Variants in ABHD17B observed in about 807,000 individuals in gnomAD.
ABHD17B encodes the protein alpha/beta hydrolase domain-containing protein 17B.
In ABHD17B, 9 loss-of-function variants were observed where a neutral mutation model predicts 26.2. That is an observed-to-expected ratio of 0.34 (90% CI 0.21 to 0.60). ABHD17B has a LOEUF of 0.60. ABHD17B is among the 20% of genes least tolerant of loss of function. The probability of loss-of-function intolerance (pLI) is 0.80; values close to 1 mark genes in which losing one functional copy is unlikely to be tolerated. For synonymous variants in ABHD17B, 127 were observed against 122.3 expected (o/e 1.04, Z -0.25); for missense variants, 224 against 352.1 (o/e 0.64, Z 2.91).
intron 1 of ABHD17B, among the ~76,000 whole-genome samples, chr9:71,893,949 G>C (rs1020651672): frequency 6.6e-6 from 1 of 151,984 alleles, no homozygotes; most frequent in African/African-American, 2.4e-5. Flanking sequence ...AATTAGCTGG[G>C]TGTGGTGGCG....
chr9:71,897,315 G>A (rs954440888), intron 1 of ABHD17B, among the ~76,000 whole-genome samples: 3 of 13,618 alleles, frequency 2.2e-4, no homozygotes, highest in African/African-American at 2.4e-4. Context: ...AGGATCACTT[G>A]AGCCTGAGTT....
rs199979404 is a variant in ABHD17B at position 71,885,698 on chromosome 9, T to TA, written c.-3-10616dup. On this transcript the variant is annotated intron_variant, in intron 1 of 3. Transcript: ENST00000333421. ...TCTCAGCAAAACAGGAAGACTAATG[T>TA]AAAAAAAAGTCCCTAAATAGAATGA... Among the ~76,000 whole-genome samples, 765 of 151,950 alleles carry TA rather than the reference T, an allele frequency of 5.0e-3. 3 individuals are homozygous for TA. Among genetic ancestry groups the TA allele is most frequent in the Non-Finnish European group, 8.5e-3 (576 of 67,946 alleles).
At position 71,911,189 on chromosome 9, in the gene ABHD17B, T is replaced by C. The variant is rs898925979; in HGVS notation, c.-559A>G. 6.6e-6 allele frequency among the ~76,000 whole-genome samples: 1 copy of C among 151,986 alleles called. No homozygotes were observed. The highest frequency in any genetic ancestry group is 2.4e-5 in the African/African-American group (1 of 41,396). ...CCCCACTGAGCCAGGAGTTGGCCACTGACTGGAGGAAGGTGCCAAAGCTGA... is the reference window on the plus strand; with the variant it reads ...CCCCACTGAGCCAGGAGTTGGCCACCGACTGGAGGAAGGTGCCAAAGCTGA... On this transcript the variant is annotated 5_prime_UTR_variant, in exon 1 of 4. Transcript: ENST00000333421.
chr9:71,865,153 C>T lies in ABHD17B; in HGVS notation c.*1634G>A. The T allele has an allele frequency of 1.0e-6, 1 of 985,322 alleles. No homozygotes were observed. The highest frequency in any genetic ancestry group is 1.2e-6 in the Non-Finnish European group (1 of 829,862). 61.0% of individuals were successfully genotyped at this position (985,322 alleles called of 1,614,324 possible). ...TGGAAAAAGGCAAATAAGCACAGGT[C>T]AGTGGTATATTTGTTGTTTTACTGT... On this transcript the variant is annotated 3_prime_UTR_variant, in exon 4 of 4. Transcript: ENST00000333421.
intron 1 of ABHD17B, among the ~76,000 whole-genome samples, chr9:71,909,418 A>G (rs1478922992): frequency 6.6e-6 from 1 of 152,254 alleles, no homozygotes; most frequent in Non-Finnish European, 1.5e-5. Flanking sequence ...ACTAGCAATC[A>G]TGACAATTTT....
At chr9:71,868,791 G>A (rs1240166810) in intron 3 of ABHD17B, among the ~76,000 whole-genome samples, 1 of 152,050 alleles carries the variant, frequency 6.6e-6, no homozygotes, top group African/African-American at 2.4e-5. Flanking sequence ...CAGGTTCAAG[G>A]GATTCTCATG....
chr9:71,906,009 A>G (rs1827271399), intron 1 of ABHD17B, among the ~76,000 whole-genome samples: 1 of 152,170 alleles, frequency 6.6e-6, no homozygotes, highest in Non-Finnish European at 1.5e-5. Context: ...TGATCATGCT[A>G]CTACACTCCA....
At chr9:71,884,157 T>C (rs780880399) in intron 1 of ABHD17B, among the ~76,000 whole-genome samples, 15 of 152,046 alleles carry the variant, frequency 9.9e-5, no homozygotes, top group Non-Finnish European at 1.5e-4. Flanking sequence ...CAAAAAATAA[T>C]ACATCAAAAC....
intron 1 of ABHD17B, among the ~76,000 whole-genome samples, chr9:71,907,557 G>A (rs889676232): frequency 6.6e-6 from 1 of 152,068 alleles, no homozygotes; most frequent in Admixed American, 6.5e-5. Flanking sequence ...TGCTGCCCAC[G>A]CTGGAGTGCA....
chr9:71,874,556 CA>C, intron 2 of ABHD17B, 57 bp downstream of exon 2: 1 of 1,397,716 alleles, frequency 7.2e-7, no homozygotes, highest in African/African-American at 1.5e-5. Context: ...TATTCTTACA[CA>C]AGATATTTTT....
chr9:71,875,762 C>T (rs891898399), intron 1 of ABHD17B, among the ~76,000 whole-genome samples: 7 of 152,192 alleles, frequency 4.6e-5, no homozygotes, highest in Admixed American at 2.0e-4. Context: ...GTTCTTAGAA[C>T]CTCATGGAGA....
chr9:71,885,732 ATCT>A (rs1826588686), intron 1 of ABHD17B, among the ~76,000 whole-genome samples: 1 of 152,198 alleles, frequency 6.6e-6, no homozygotes, highest in South Asian at 2.1e-4. Context: ...GACCTACTGT[ATCT>A]CCTTCCTCTC....
intron 2 of ABHD17B, 39 bp downstream of exon 2, chr9:71,874,572 AACC>A: frequency 6.8e-7 from 1 of 1,478,452 alleles, no homozygotes; most frequent in Non-Finnish European, 9.1e-7. Flanking sequence ...ATTTTTAGCT[AACC>A]ACCACGAGTA....
At chr9:71,867,474 TA>T (rs1825989664) in intron 3 of ABHD17B, among the ~76,000 whole-genome samples, 1 of 152,216 alleles carries the variant, frequency 6.6e-6, no homozygotes, top group Non-Finnish European at 1.5e-5. Flanking sequence ...GAGAATGTAC[TA>T]AAATATAATA....
downstream of ABHD17B, among the ~76,000 whole-genome samples, chr9:71,864,045 G>A (rs937721171): frequency 5.9e-5 from 9 of 151,978 alleles, no homozygotes; most frequent in African/African-American, 2.2e-4. Flanking sequence ...TGACTTACAC[G>A]TTATTTCCAG....
Position 71,865,818 on chromosome 9 carries a change from G to C in ABHD17B, c.*969C>G. ...AGAGGTTGCAGTGAATCAAGATCGC[G>C]CCACTGCACTCCAGCCTCAGTGACA... On this transcript the variant is annotated 3_prime_UTR_variant, in exon 4 of 4. Coordinates refer to ENST00000333421, the MANE Select transcript of ABHD17B (RefSeq NM_001025780.3). The C allele has an allele frequency of 1.1e-6, 1 of 902,416 alleles. No individual in the cohort carries two copies. 55.9% of individuals were successfully genotyped at this position (902,416 alleles called of 1,614,324 possible).
rs376028645 is a variant in ABHD17B, at chr9:71,866,895, A to G, written c.759T>C (p.Pro253=). 1.2e-5 allele frequency: 20 copies of G among 1,614,082 alleles called. No homozygotes were observed. Among genetic ancestry groups the G allele is most frequent in the Non-Finnish European group, 1.6e-5 (19 of 1,180,042 alleles). ...CTCCTTCAACCCAGAGAGGCTCCAC[A>G]GGTCTTTGGCAACGTTCAAACAATG... ...GLALFERCQR[P]VEPLWVEGAG... is the part of the protein sequence containing the mutation. The change falls in exon 4 of 4, where the codon CCT becomes CCC. Residue 253 remains proline, a synonymous_variant. Coordinates refer to ENST00000333421, the MANE Select transcript of ABHD17B (RefSeq NM_001025780.3).
intron 2 of ABHD17B, among the ~76,000 whole-genome samples, chr9:71,872,548 G>A (rs1440480624): frequency 2.0e-5 from 3 of 152,102 alleles, no homozygotes; most frequent in African/African-American, 7.2e-5. Context: ...TTACTGGGAA[G>A]CACTAATAAT....
chr9:71,876,859 G>A lies in ABHD17B; in HGVS notation c.-3-1776C>T, dbSNP rs993547651. Among the ~76,000 whole-genome samples the A allele has an allele frequency of 9.2e-5, 14 of 152,274 alleles. No homozygotes were observed. In the East Asian group the frequency reaches 2.7e-3, roughly 29 times the overall value. ...TATAACATAAAAGACTTCAAAAGGT[G>A]AGGGAAGGGCAGAAAAACATCTTGG... is the stretch of plus-strand genomic sequence containing the variant. On this transcript the variant is annotated intron_variant, in intron 1 of 3. Coordinates refer to ENST00000333421, the MANE Select transcript of ABHD17B (RefSeq NM_001025780.3).
Sources: gnomAD v4.1 joint callset for allele counts (sites outside exome capture counted in the v4.1 genomes callset) on GRCh38, gnomAD v4.1.1 for gene constraint, MANE v1.5 for transcripts, NCBI Gene and HGNC (gene_info 2026-07-23, HGNC 2026-07-21) for gene names.